The following LOXL3 variants were observed in gnomAD, a reference collection of about 807,000 sequenced individuals.
The protein encoded by LOXL3 is lysyl oxidase like 3, also known as lysyl oxidase homolog 3.
LOXL3 carries 60 observed loss-of-function variants against 91.8 expected under a neutral mutation model. That is an observed-to-expected ratio of 0.65 (90% CI 0.53 to 0.81). The LOEUF (loss-of-function observed/expected upper bound fraction) is 0.81. LOXL3 is among the 30% of genes least tolerant of loss of function. LOXL3 has a pLI of 0.00. For synonymous variants in LOXL3, 355 were observed against 387.6 expected (o/e 0.92, Z 0.99); for missense variants, 874 against 1,000.4 (o/e 0.87, Z 1.70).
intron 12 of LOXL3, 40 bp downstream of exon 12, chr2:74,534,060 C>T (rs755303568): frequency 1.2e-6 from 2 of 1,611,918 alleles, no homozygotes; most frequent in Non-Finnish European, 1.7e-6. Flanking sequence ...CTTTAACGCT[C>T]CCCCCACTCA....
In LOXL3 at chr2:74,534,610, A is replaced by T; in HGVS notation, c.1744T>A (p.Ser582Thr). 1 of 1,614,110 alleles carries T rather than the reference A, an allele frequency of 6.2e-7. No homozygotes were observed. The highest frequency in any genetic ancestry group is 8.5e-7 in the Non-Finnish European group (1 of 1,180,022). The part of the protein sequence containing the change: ...YGHRRLLRFS[S>T]QIHNLGRADF... ...GCTCGTCCCAGGTTGTGGATCTGGG[A>T]GGAGAATCGGAGCAGACGCCGGTGA... is the stretch of plus-strand genomic sequence containing the variant. Residue 582 changes from serine (S) to threonine (T), a missense_variant, in exon 10 of 14, where the codon TCC becomes ACC. Coordinates refer to ENST00000264094, the MANE Select transcript of LOXL3 (RefSeq NM_032603.5).
chr2:74,539,213 A>G (rs961128936), intron 4 of LOXL3, among the ~76,000 whole-genome samples: 9 of 152,202 alleles, frequency 5.9e-5, no homozygotes, highest in African/African-American at 9.7e-5. Flanking sequence ...TAGTGGTTAC[A>G]TATGTGGCGC....
rs1676064664 is a variant in LOXL3, at chr2:74,536,932, G to C, written c.693-4C>G. ...TTGCTGCCGTTGGGCTAGCAGCCTA[G>C]GGGGACAGGAGTGAGGTGCAGTAGG... On this transcript the variant is annotated splice_region_variant and splice_polypyrimidine_tract_variant and intron_variant, in intron 4 of 13. Coordinates refer to ENST00000264094, the MANE Select transcript of LOXL3 (RefSeq NM_032603.5). The surrounding 1 kb of genome is among the most constrained non-coding windows in gnomAD (Gnocchi z 4.5). 1.2e-6 allele frequency: 2 copies of C among 1,613,630 alleles called. No homozygotes were observed. The highest frequency in any genetic ancestry group is 1.7e-6 in the Non-Finnish European group (2 of 1,179,772).
chr2:74,540,308 T>G (rs1558622548), intron 4 of LOXL3, among the ~76,000 whole-genome samples: 1 of 152,206 alleles, frequency 6.6e-6, no homozygotes, highest in Non-Finnish European at 1.5e-5. Context: ...ATGTTAGTGC[T>G]AAACCTCAGT....
In LOXL3 at chr2:74,553,942, C is replaced by T. The variant is rs1444172036; in HGVS notation, c.-79G>A. ...GTCCTGGAGATCAGTCCTAGGACTTCCAAAAAAAAAAAAAAATGCTCGGCC... is the reference window on the plus strand; with the variant it reads ...GTCCTGGAGATCAGTCCTAGGACTTTCAAAAAAAAAAAAAAATGCTCGGCC... On this transcript the variant is annotated 5_prime_UTR_variant, in exon 1 of 14. Coordinates refer to ENST00000264094, the MANE Select transcript of LOXL3 (RefSeq NM_032603.5). 3 of 144,222 alleles carry T rather than the reference C, an allele frequency of 2.1e-5. No homozygotes were observed. Among genetic ancestry groups the T allele is most frequent in the Non-Finnish European group, 4.5e-5 (3 of 67,408 alleles). 8.9% of individuals were successfully genotyped at this position (144,222 alleles called of 1,614,324 possible). A position where few individuals can be genotyped will look rare whatever the true frequency, so the allele number is the denominator to read the frequency against.
chr2:74,538,405 C>A (rs1676141318), intron 4 of LOXL3, among the ~76,000 whole-genome samples: 1 of 152,140 alleles, frequency 6.6e-6, no homozygotes, highest in South Asian at 2.1e-4. Context: ...CTGGGTGAGA[C>A]TAGAACTTGT....
rs1558617608 is a variant in LOXL3 at position 74,534,738 on chromosome 2, T to C, written c.1616A>G (p.Gln539Arg). 1 of 1,614,102 alleles carries C rather than the reference T, an allele frequency of 6.2e-7. No individual in the cohort carries two copies. ...CCGGTCTTCGATGTAGGCGGTCTCC[T>C]GCACCAGTGCTGAGTGCAGCAACAG... ...SDLLLHSALV[Q>R]ETAYIEDRPL... Residue 539 changes from glutamine (Q) to arginine (R), a missense_variant, in exon 10 of 14, where the codon CAG becomes CGG. Physicochemically the swap from Gln to Arg is conservative, Grantham distance 43 (BLOSUM62 1). Coordinates refer to ENST00000264094, the MANE Select transcript of LOXL3 (RefSeq NM_032603.5).
chr2:74,552,278 C>T (rs955595690), intron 2 of LOXL3, 44 bp downstream of exon 2: 1 of 1,549,852 alleles, frequency 6.5e-7, no homozygotes, highest in Non-Finnish European at 8.8e-7. Context: ...TGCACTTTGG[C>T]CACACATAGG....
intron 4 of LOXL3, among the ~76,000 whole-genome samples, chr2:74,540,987 G>A (rs1676295096): frequency 6.6e-6 from 1 of 152,148 alleles, no homozygotes. Flanking sequence ...CTTTGAACAT[G>A]TTCCTGCTCC....
Position 74,536,795 on chromosome 2 carries a change from G to A in LOXL3, c.826C>T (p.Pro276Ser). 1 of 1,614,190 alleles carries A rather than the reference G, an allele frequency of 6.2e-7. No homozygotes were observed. Among genetic ancestry groups the A allele is most frequent in the Non-Finnish European group, 8.5e-7 (1 of 1,180,030 alleles). ...NDTARCPGGGPAVVSCVPGPV... is the reference protein window; with the variant it reads ...NDTARCPGGGSAVVSCVPGPV... ...CCTGGCACACAGCTCACCACTGCAGGGCCCCCCCCAGGGCACCTGGCGGTG... is the reference window on the plus strand; with the variant it reads ...CCTGGCACACAGCTCACCACTGCAGAGCCCCCCCCAGGGCACCTGGCGGTG... The change falls in exon 5 of 14, where the codon CCT (proline) becomes TCT (serine). Residue 276 changes from proline (P) to serine (S), a missense_variant. By Grantham distance (74) the Pro-to-Ser change is moderately conservative (BLOSUM62 -1). Transcript: ENST00000264094. This position sits in a 1 kb window ranked among gnomAD's most constrained non-coding sequence, Gnocchi z 4.5.
Position 74,535,023 on chromosome 2 carries a change from C to T in LOXL3, c.1580-249G>A, listed in dbSNP as rs1389331838. 2.6e-5 allele frequency among the ~76,000 whole-genome samples: 4 copies of T among 152,124 alleles called. No homozygotes were observed. Among genetic ancestry groups the T allele is most frequent in the East Asian group, 1.9e-4 (1 of 5,198 alleles). On this transcript the variant is annotated intron_variant, in intron 9 of 13. Transcript: ENST00000264094. The surrounding 1 kb of genome is among the most constrained non-coding windows in gnomAD (Gnocchi z 4.2). ...CCTCCCGAGTAGCTGGGATTATAGG[C>T]GCCTGCCACTGCGCCTGGCTAATTT...
In LOXL3 at chr2:74,535,647, G is replaced by C; in HGVS notation, c.1357C>G (p.Leu453Val). 6.8e-6 allele frequency: 11 copies of C among 1,613,882 alleles called. No homozygotes were observed. The highest frequency in any genetic ancestry group is 9.3e-6 in the Non-Finnish European group (11 of 1,179,980). Residue 453 changes from leucine to valine, a missense_variant, in exon 8 of 14, where the codon CTG becomes GTG. Coordinates refer to ENST00000264094, the MANE Select transcript of LOXL3 (RefSeq NM_032603.5). This position sits in a 1 kb window ranked among gnomAD's most constrained non-coding sequence, Gnocchi z 4.2. ...TGCCTACAGGCCACCATGGCCTCCA[G>C]GGTCCCCCAGTCATCCCCACAGATG... is the stretch of plus-strand genomic sequence containing the variant. ...GLICGDDWGT[L>V]EAMVACRQLG... is the part of the protein sequence containing the mutation.
rs1460365711 is a variant in LOXL3, at chr2:74,534,354, T to A, written c.1901A>T (p.Lys634Ile). ...PNGTKVAEGH[K>I]ASFCLEDTEC... ...AGTGTCTTCGAGACAGAAACTAGCTTTGTGGCCCTCAGCCACCTTGGTGCC... is the reference window on the plus strand; with the variant it reads ...AGTGTCTTCGAGACAGAAACTAGCTATGTGGCCCTCAGCCACCTTGGTGCC... The change falls in exon 11 of 14, where the codon AAA becomes ATA. Residue 634 changes from lysine to isoleucine, a missense_variant. Lys to Ile is a moderately radical substitution (Grantham distance 102, BLOSUM62 -3). Transcript: ENST00000264094. The A allele has an allele frequency of 6.2e-7, 1 of 1,614,262 alleles. No individual in the cohort carries two copies. The highest frequency in any genetic ancestry group is 8.5e-7 in the Non-Finnish European group (1 of 1,180,040).
At chr2:74,550,752 G>A (rs1358022289) in intron 2 of LOXL3, among the ~76,000 whole-genome samples, 3 of 152,106 alleles carry the variant, frequency 2.0e-5, no homozygotes, top group Non-Finnish European at 4.4e-5. Context: ...AAGAAACTGG[G>A]GTTTAGAGAA....
At chr2:74,542,532 A>G (rs1209008217) in intron 4 of LOXL3, among the ~76,000 whole-genome samples, 1 of 151,828 alleles carries the variant, frequency 6.6e-6, no homozygotes, top group African/African-American at 2.4e-5. Context: ...ACACACACAC[A>G]CACACACACA....
rs748879662 is a variant in LOXL3 at position 74,536,693 on chromosome 2, T to A, written c.912+16A>T. On this transcript the variant is annotated intron_variant, in intron 5 of 13. Transcript: ENST00000264094. This position sits in a 1 kb window ranked among gnomAD's most constrained non-coding sequence, Gnocchi z 4.5. ...CCACCTGGGGTGGGAAAGGTCATAA[T>A]CACTGTCTCACACACCTCCCCCTGA... 131 of 1,612,512 alleles carry A rather than the reference T, an allele frequency of 8.1e-5. No individual in the cohort carries two copies. Among genetic ancestry groups the A allele is most frequent in the Non-Finnish European group, 1.0e-4 (121 of 1,178,774 alleles).
chr2:74,536,744 GGC>G lies in LOXL3; in HGVS notation c.875_876del (p.Gly292AlafsTer41). 1 of 1,614,164 alleles carries G rather than the reference GGC, an allele frequency of 6.2e-7. No homozygotes were observed. The highest frequency in any genetic ancestry group is 8.5e-7 in the Non-Finnish European group (1 of 1,180,018). On this transcript the variant is annotated frameshift_variant, in exon 5 of 14. Transcript: ENST00000264094. LOFTEE classifies it high-confidence loss of function. This position sits in a 1 kb window ranked among gnomAD's most constrained non-coding sequence, Gnocchi z 4.5. Reference sequence around the variant, plus strand: ...GGCTTCGACTGTTGTTGCTTCTTCTGGCCACTGGATGCCGCGTAGACAGGGCC... The same window carrying G: ...GGCTTCGACTGTTGTTGCTTCTTCTGCACTGGATGCCGCGTAGACAGGGCC... ...VPGPVYAASSGQKKQQQSKPQ... is the reference protein window; with the variant it reads ...VPGPVYAASSXQKKQQQSKPQ...
At position 74,534,248 on chromosome 2, in the gene LOXL3, G is replaced by A; in HGVS notation, c.1940-12C>T. The A allele has an allele frequency of 6.2e-7, 1 of 1,614,188 alleles. No individual in the cohort carries two copies. The highest frequency in any genetic ancestry group is 8.5e-7 in the Non-Finnish European group (1 of 1,180,024). On this transcript the variant is annotated splice_polypyrimidine_tract_variant and intron_variant, in intron 11 of 13. Coordinates refer to ENST00000264094, the MANE Select transcript of LOXL3 (RefSeq NM_032603.5). ...CCGCTTGGAGACATCTGGAGGGATT[G>A]GCATATGTCAGTGTAAGGAAAGGCT...
Position 74,536,717 on chromosome 2 carries a change from G to C in LOXL3, c.904C>G (p.Gln302Glu). 6.2e-7 allele frequency: 1 copy of C among 1,614,158 alleles called. No homozygotes were observed. Among genetic ancestry groups the C allele is most frequent in the Non-Finnish European group, 8.5e-7 (1 of 1,179,990 alleles). The change falls in exon 5 of 14, where the codon CAG becomes GAG. Residue 302 changes from glutamine to glutamate, a missense_variant. By Grantham distance (29) the Gln-to-Glu change is conservative. Transcript: ENST00000264094. This position sits in a 1 kb window ranked among gnomAD's most constrained non-coding sequence, Gnocchi z 4.5. ...ATCACTGTCTCACACACCTCCCCCT[G>C]AGGCTTCGACTGTTGTTGCTTCTTC... The part of the protein sequence containing the change: ...GQKKQQQSKP[Q>E]GEARVRLKGG...
Sources: allele counts gnomAD v4.1 joint callset (sites outside exome capture counted in the v4.1 genomes callset), GRCh38; gene constraint gnomAD v4.1.1; non-coding constraint Gnocchi (gnomAD v3.1); transcripts MANE v1.5; gene names NCBI Gene and HGNC (gene_info 2026-07-23, HGNC 2026-07-21).